The following GNAO1 variants were observed in gnomAD, a reference collection of about 807,000 sequenced individuals.
GNAO1 encodes guanine nucleotide-binding protein G(o) subunit alpha.
For synonymous variants in GNAO1, 164 were observed against 180.7 expected (o/e 0.91, Z 0.74); for missense variants, 166 against 478.7 (o/e 0.35, Z 6.10).
intron 2 of GNAO1, among the ~76,000 whole-genome samples, chr16:56,265,569 C>T (rs764774850): frequency 2.6e-5 from 4 of 152,208 alleles, no homozygotes; most frequent in Non-Finnish European, 5.9e-5. Flanking sequence ...AACATGTGGA[C>T]GGTGGTTCCC....
intron 3 of GNAO1, among the ~76,000 whole-genome samples, chr16:56,297,887 G>A (rs567349689): frequency 3.9e-5 from 6 of 152,302 alleles, no homozygotes; most frequent in Middle Eastern, 3.4e-3. Flanking sequence ...AATAGTTATC[G>A]AGTGGGAGTG....
At chr16:56,202,324 A>T (rs2036288485) in intron 2 of GNAO1, among the ~76,000 whole-genome samples, 1 of 152,200 alleles carries the variant, frequency 6.6e-6, no homozygotes. Context: ...GCCAAATTGC[A>T]GTGGAGTTAA....
intron 2 of GNAO1, among the ~76,000 whole-genome samples, chr16:56,263,393 G>A (rs2036922281): frequency 6.6e-6 from 1 of 152,224 alleles, no homozygotes; most frequent in Non-Finnish European, 1.5e-5. Context: ...ACTACAGTCT[G>A]TGAACTCAGT....
intron 2 of GNAO1, among the ~76,000 whole-genome samples, chr16:56,272,569 C>T (rs1288268785): frequency 5.3e-5 from 8 of 152,322 alleles, no homozygotes; most frequent in African/African-American, 1.9e-4. Context: ...TTGAGACCTG[C>T]CAGGCAGTAT....
intron 3 of GNAO1, 30 bp downstream of exon 3, chr16:56,276,102 C>T (rs770917900): frequency 1.9e-6 from 3 of 1,597,086 alleles, no homozygotes; most frequent in Non-Finnish European, 2.6e-6. Flanking sequence ...AGCACAGCAA[C>T]AAGAGGTTCT....
At chr16:56,211,567 C>T (rs1201405957) in intron 2 of GNAO1, among the ~76,000 whole-genome samples, 2 of 152,158 alleles carry the variant, frequency 1.3e-5, no homozygotes, top group Admixed American at 1.3e-4. Flanking sequence ...TGAGGTCAGT[C>T]TCCACCCCTG....
chr16:56,261,429 C>G (rs746429134), intron 2 of GNAO1, among the ~76,000 whole-genome samples: 24 of 152,340 alleles, frequency 1.6e-4, no homozygotes, highest in South Asian at 8.3e-4. Flanking sequence ...CCCTTTGTCT[C>G]TTCAGGTTGC....
intron 2 of GNAO1, among the ~76,000 whole-genome samples, chr16:56,225,692 CAGTA>C (rs1332604414): frequency 1.3e-5 from 2 of 152,090 alleles, no homozygotes; most frequent in African/African-American, 4.8e-5. Context: ...ATTAGTAAGA[CAGTA>C]AGCATTTATT....
chr16:56,242,694 A>C (rs1252287762), intron 2 of GNAO1, among the ~76,000 whole-genome samples: 1 of 152,244 alleles, frequency 6.6e-6, no homozygotes, highest in Non-Finnish European at 1.5e-5. Context: ...GACTTAAACA[A>C]AAGAACAAAA....
rs148553103 is a variant in GNAO1 at position 56,265,839 on chromosome 16, G to A, written c.162-10092G>A. ...ATGTGTAGCTGAGAAAAAATTTTGA[G>A]TAGTACATTAGCCATAGTACTGGTC... On this transcript the variant is annotated intron_variant, in intron 2 of 8. Coordinates refer to ENST00000262493, the MANE Select transcript of GNAO1 (RefSeq NM_020988.3). Among the ~76,000 whole-genome samples the A allele has an allele frequency of 9.9e-5, 15 of 152,196 alleles. No homozygotes were observed. In the East Asian group the frequency reaches 2.5e-3, roughly 25 times the overall value.
At chr16:56,235,092 T>G (rs1441520646) in intron 2 of GNAO1, 1 of 338,380 alleles carries the variant, frequency 3.0e-6, no homozygotes, top group African/African-American at 2.2e-5. Flanking sequence ...ACAAAGATGC[T>G]TAGCCACAAC....
chr16:56,197,275 A>G (rs1193188954), intron 2 of GNAO1, among the ~76,000 whole-genome samples: 2 of 152,140 alleles, frequency 1.3e-5, no homozygotes, highest in Non-Finnish European at 2.9e-5. Context: ...TAGACTTGTT[A>G]TTTCTGCAGT....
intron 3 of GNAO1, among the ~76,000 whole-genome samples, chr16:56,289,036 G>GCC (rs1555504868): frequency 6.6e-6 from 1 of 150,776 alleles, no homozygotes; most frequent in East Asian, 1.9e-4. Context: ...CCAAAAAAGG[G>GCC]GGGGGGAGCG....
intron 6 of GNAO1, chr16:56,346,189 T>C (rs1400499153): frequency 7.1e-6 from 7 of 985,222 alleles, no homozygotes; most frequent in African/African-American, 1.8e-5. Context: ...GGGGAGAAAT[T>C]CTCTCCCTGT....
chr16:56,349,420 A>G (rs1269718956), intron 6 of GNAO1, among the ~76,000 whole-genome samples: 1 of 152,194 alleles, frequency 6.6e-6, no homozygotes, highest in African/African-American at 2.4e-5. Context: ...ATGTGGCTCA[A>G]TGAGCTTGAG....
chr16:56,348,539 AGGTG>A (rs1216089909), intron 6 of GNAO1, among the ~76,000 whole-genome samples: 3 of 152,232 alleles, frequency 2.0e-5, no homozygotes, highest in Non-Finnish European at 4.4e-5. Context: ...AGCCTGGGGC[AGGTG>A]GAGGTCTAGG....
At chr16:56,257,783 C>G (rs1328314975) in intron 2 of GNAO1, among the ~76,000 whole-genome samples, 5 of 152,244 alleles carry the variant, frequency 3.3e-5, no homozygotes, top group Admixed American at 3.3e-4. Flanking sequence ...ATGCCATTAA[C>G]TGACTCTGTG....
intron 2 of GNAO1, chr16:56,255,596 C>A (rs2036839212): frequency 6.6e-6 from 1 of 152,112 alleles, no homozygotes; most frequent in Admixed American, 6.5e-5. Context: ...ACCAAGGTAA[C>A]CTATGTGTAT....
At chr16:56,331,030 G>C (rs1221035244) in intron 4 of GNAO1, among the ~76,000 whole-genome samples, 2 of 152,260 alleles carry the variant, frequency 1.3e-5, no homozygotes, top group African/African-American at 4.8e-5. Context: ...TTCTGACAAA[G>C]TCTTGGGCCC....
Sources: gnomAD v4.1 joint callset for allele counts (sites outside exome capture counted in the v4.1 genomes callset) on GRCh38, gnomAD v4.1.1 for gene constraint, MANE v1.5 for transcripts, NCBI Gene and HGNC (gene_info 2026-07-23, HGNC 2026-07-21) for gene names.